Variants in CYSTM1 observed in about 807,000 individuals in gnomAD.
The protein encoded by CYSTM1 is cysteine-rich transmembrane module-containing protein 1.
In CYSTM1, 4 loss-of-function variants were observed where a neutral mutation model predicts 13.1. That is an observed-to-expected ratio of 0.31 (90% CI 0.15 to 0.70). CYSTM1 has a LOEUF of 0.70. Ranked by LOEUF, CYSTM1 falls within the 30% of genes least tolerant of loss-of-function variation. The probability of loss-of-function intolerance (pLI) is 0.72; values close to 1 mark genes in which losing one functional copy is unlikely to be tolerated. For missense variants in CYSTM1, 96 were observed against 121.6 expected (o/e 0.79, Z 0.99); for synonymous variants, 36 against 42.7 (o/e 0.84, Z 0.62).
chr5:140,187,493 G>A (rs556113345), intron 1 of CYSTM1, among the ~76,000 whole-genome samples: 2 of 152,046 alleles, frequency 1.3e-5, no homozygotes, highest in Non-Finnish European at 2.9e-5. Flanking sequence ...GTCTCCCCCA[G>A]GTAGCTGGGA....
intron 2 of CYSTM1, among the ~76,000 whole-genome samples, chr5:140,221,995 T>C (rs771532266): frequency 2.0e-5 from 3 of 152,256 alleles, no homozygotes; most frequent in Non-Finnish European, 4.4e-5. Flanking sequence ...TTGTCACTTA[T>C]TGGTGGGCAC....
intron 2 of CYSTM1, among the ~76,000 whole-genome samples, chr5:140,208,932 G>A (rs1042393313): frequency 6.6e-6 from 1 of 151,704 alleles, no homozygotes; most frequent in East Asian, 2.0e-4. Context: ...CCAGCTACTC[G>A]GGAAGCTGAG....
intron 2 of CYSTM1, among the ~76,000 whole-genome samples, chr5:140,235,014 A>C (rs1255115376): frequency 6.8e-6 from 1 of 147,716 alleles, no homozygotes. Context: ...TTGCCCAGGC[A>C]GGAGTTCAGT....
intron 2 of CYSTM1, among the ~76,000 whole-genome samples, chr5:140,217,937 G>T (rs1360511729): frequency 6.6e-6 from 1 of 152,106 alleles, no homozygotes; most frequent in East Asian, 1.9e-4. Flanking sequence ...ATAAAATTAG[G>T]AGCTGAGGGT....
chr5:140,197,513 A>C (rs985618272), intron 2 of CYSTM1, among the ~76,000 whole-genome samples: 1 of 152,174 alleles, frequency 6.6e-6, no homozygotes, highest in Non-Finnish European at 1.5e-5. Context: ...CAAATGGTCA[A>C]ATTTTGTCAC....
At chr5:140,188,527 C>A (rs889528429) in intron 1 of CYSTM1, among the ~76,000 whole-genome samples, 1 of 152,080 alleles carries the variant, frequency 6.6e-6, no homozygotes, top group Non-Finnish European at 1.5e-5. Flanking sequence ...CGCGGTGGCT[C>A]ACGCCTGTAA....
At chr5:140,235,581 A>C in intron 2 of CYSTM1, among the ~76,000 whole-genome samples, 1 of 151,072 alleles carries the variant, frequency 6.6e-6, no homozygotes, top group Non-Finnish European at 1.5e-5. Flanking sequence ...AATTTTTTGT[A>C]TTTTCAGTAG....
At chr5:140,238,467 TA>T (rs1215983413) in intron 2 of CYSTM1, among the ~76,000 whole-genome samples, 1 of 152,198 alleles carries the variant, frequency 6.6e-6, no homozygotes, top group Non-Finnish European at 1.5e-5. Context: ...TCCTTCGCCC[TA>T]TCACTCTCCC....
intron 2 of CYSTM1, among the ~76,000 whole-genome samples, chr5:140,198,710 A>C (rs1025361517): frequency 1.3e-5 from 2 of 152,214 alleles, no homozygotes; most frequent in Non-Finnish European, 1.5e-5. Context: ...TTCGACATAC[A>C]ATTCATGTAC....
intron 1 of CYSTM1, among the ~76,000 whole-genome samples, chr5:140,191,708 A>T (rs576353768): frequency 6.6e-6 from 1 of 152,336 alleles, no homozygotes; most frequent in Admixed American, 6.5e-5. Context: ...GATCAGGTTA[A>T]ACTACAGTTT....
rs1554131563 is a variant in CYSTM1 at position 140,177,078 on chromosome 5, A to AAAAAAAAACAAAAC, written c.-21+1801_-21+1802insCAAAACAAAAAAAA. 5.2e-5 allele frequency among the ~76,000 whole-genome samples: 7 copies of AAAAAAAAACAAAAC among 135,544 alleles called. 1 individual carries two copies. In the Admixed American group the frequency reaches 5.3e-4, roughly 10 times the overall value. 88.9% of individuals were successfully genotyped at this position (135,544 alleles called of 152,430 possible). On this transcript the variant is annotated intron_variant, in intron 1 of 2. Transcript: ENST00000261811. ...AGCGAGACTCTGTCTCAAAAAAAAA[A>AAAAAAAAACAAAAC]AAAAAAAAATCTCTAGTCCTTTCCT...
At chr5:140,203,148 C>T (rs1164247191) in intron 2 of CYSTM1, 1 of 152,088 alleles carries the variant, frequency 6.6e-6, no homozygotes, top group Non-Finnish European at 1.5e-5. Flanking sequence ...TCTGCCAGGC[C>T]TTCCTGCACA....
intron 1 of CYSTM1, among the ~76,000 whole-genome samples, chr5:140,189,642 G>T (rs965244312): frequency 6.6e-6 from 1 of 152,046 alleles, no homozygotes. Flanking sequence ...TATTGTTTTG[G>T]GGTCATTTTC....
chr5:140,211,969 C>A (rs1049152204), intron 2 of CYSTM1, among the ~76,000 whole-genome samples: 1 of 152,056 alleles, frequency 6.6e-6, no homozygotes, highest in Non-Finnish European at 1.5e-5. Context: ...AAAAATAAGT[C>A]CCTTCAGTAA....
In CYSTM1 at chr5:140,178,441, C is replaced by CTTTTTTTTTTTTTTTTTTTTTTTTTTTT. The variant is rs577709524; in HGVS notation, c.-21+3181_-21+3182insTTTTTTTTTTTTTTTTTTTTTTTTTTTT. Among the ~76,000 whole-genome samples, 3 of 52,666 alleles carry CTTTTTTTTTTTTTTTTTTTTTTTTTTTT rather than the reference C, an allele frequency of 5.7e-5. 1 individual carries two copies. The highest frequency in any genetic ancestry group is 1.5e-3 in the South Asian group (2 of 1,358). 34.6% of individuals were successfully genotyped at this position (52,666 alleles called of 152,430 possible). On this transcript the variant is annotated intron_variant, in intron 1 of 2. Coordinates refer to ENST00000261811, the MANE Select transcript of CYSTM1 (RefSeq NM_032412.4). The stretch of plus-strand genomic sequence containing the variant: ...TGGAAAAGCCCTATTCAAGTCCTTC[C>CTTTTTTTTTTTTTTTTTTTTTTTTTTTT]TTTTTTTTTTTTTTTTTTTTTTTTT...
intron 1 of CYSTM1, among the ~76,000 whole-genome samples, chr5:140,177,070 A>AAAAAAAAAACAAAAAAAAAAAC (rs1287838041): frequency 6.9e-6 from 1 of 145,334 alleles, no homozygotes; most frequent in African/African-American, 2.7e-5. Flanking sequence ...CTCTGTCTCA[A>AAAAAAAAAACAAAAAAAAAAAC]AAAAAAAAAA....
intron 2 of CYSTM1, among the ~76,000 whole-genome samples, chr5:140,233,965 T>A (rs1764648521): frequency 6.6e-6 from 1 of 152,238 alleles, no homozygotes; most frequent in South Asian, 2.1e-4. Flanking sequence ...AAGTTTTCAT[T>A]GTGATTAAGT....
intron 1 of CYSTM1, among the ~76,000 whole-genome samples, chr5:140,188,105 T>C (rs1764039876): frequency 6.6e-6 from 1 of 151,328 alleles, no homozygotes; most frequent in African/African-American, 2.4e-5. Context: ...AGGGTCTTTC[T>C]TGTTCTGTTG....
At chr5:140,240,780 G>A (rs944855336) in intron 2 of CYSTM1, among the ~76,000 whole-genome samples, 2 of 152,060 alleles carry the variant, frequency 1.3e-5, no homozygotes, top group African/African-American at 4.8e-5. Flanking sequence ...GCTGCCTTGG[G>A]GGTTTCTCCT....
Sources: allele counts gnomAD v4.1 joint callset (sites outside exome capture counted in the v4.1 genomes callset), GRCh38; gene constraint gnomAD v4.1.1; transcripts MANE v1.5; gene names NCBI Gene and HGNC (gene_info 2026-07-23, HGNC 2026-07-21).